The following RBFOX3 variants were observed in gnomAD, a reference collection of about 807,000 sequenced individuals.
RBFOX3 encodes RNA binding protein fox-1 homolog 3.
Under a neutral mutation model 48.7 loss-of-function variants are expected in RBFOX3, and 17 were observed. The observed-to-expected ratio is 0.35, with a 90% CI of 0.24 to 0.52. RBFOX3 has a LOEUF of 0.52. RBFOX3 is among the 20% of genes least tolerant of loss of function. The pLI is 0.94. For synonymous variants in RBFOX3, 212 were observed against 209.5 expected, an observed-to-expected ratio of 1.01 and a Z score of -0.10; for missense variants, 382 against 497.5, an observed-to-expected ratio of 0.77 and a Z score of 2.21.
At chr17:79,238,233 A>T (rs1340213810) in intron 3 of RBFOX3, among the ~76,000 whole-genome samples, 1 of 152,218 alleles carries the variant, frequency 6.6e-6, no homozygotes, top group African/African-American at 2.4e-5. Context: ...CACCACACCC[A>T]GCTGGATTTT....
chr17:79,657,781 T>A, the RBFOX3 span, among the ~76,000 whole-genome samples: 1 of 152,148 alleles, frequency 6.6e-6, no homozygotes. Flanking sequence ...CAGGAAAGAA[T>A]GCAGAGGTTA....
chr17:79,191,409 C>T (rs540249862), intron 4 of RBFOX3, among the ~76,000 whole-genome samples: 1 of 152,214 alleles, frequency 6.6e-6, no homozygotes, highest in African/African-American at 2.4e-5. Context: ...CGCAAGGCCT[C>T]GGGAAACAGA....
intron 2 of RBFOX3, among the ~76,000 whole-genome samples, chr17:79,403,427 A>G (rs182334193): frequency 1.1e-4 from 17 of 152,290 alleles, no homozygotes; most frequent in African/African-American, 4.1e-4. Context: ...TCTGTCAGGG[A>G]TATCTGTCAC....
Position 79,423,702 on chromosome 17 carries a change from C to T in RBFOX3, c.-175+58752G>A, listed in dbSNP as rs916237269. 6.5e-6 allele frequency: 1 copy of T among 153,526 alleles called. No homozygotes were observed. The allele number at this position is 153,526 out of a possible 1,614,324, so 9.5% of individuals were successfully genotyped here. A position where few individuals can be genotyped will look rare whatever the true frequency, so the allele number is the denominator to read the frequency against. Reference sequence around the variant, plus strand: ...GCCCACAGACAAGGTCAGCTCAATACATACTTGTTCAAGGAACGGACAAGG... The same window carrying T: ...GCCCACAGACAAGGTCAGCTCAATATATACTTGTTCAAGGAACGGACAAGG... On this transcript the variant is annotated intron_variant, in intron 2 of 14. Coordinates refer to ENST00000693108, the MANE Select transcript of RBFOX3 (RefSeq NM_001350451.2). This position sits in a 1 kb window ranked among gnomAD's most constrained non-coding sequence, Gnocchi z 4.9.
chr17:79,142,485 C>T (rs2042105062), intron 4 of RBFOX3, among the ~76,000 whole-genome samples: 1 of 152,178 alleles, frequency 6.6e-6, no homozygotes. Context: ...GAGCCCTCCC[C>T]AGCCTGCTGA....
At chr17:79,306,565 A>G (rs2076133127) in intron 3 of RBFOX3, among the ~76,000 whole-genome samples, 1 of 152,044 alleles carries the variant, frequency 6.6e-6, no homozygotes. Flanking sequence ...AGCCTGGGAG[A>G]GGATGAGGGT....
chr17:79,557,996 T>C (rs2063582161), intron 1 of RBFOX3, among the ~76,000 whole-genome samples: 1 of 152,026 alleles, frequency 6.6e-6, no homozygotes, highest in Non-Finnish European at 1.5e-5. Flanking sequence ...GAAGAAAAAT[T>C]ACAAACACTC....
chr17:79,547,020 C>T (rs117121087), intron 1 of RBFOX3, among the ~76,000 whole-genome samples: 2,562 of 152,158 alleles, frequency 0.017, 36 homozygotes, highest in Non-Finnish European at 0.027. Flanking sequence ...TGCTCAGGGA[C>T]GAAAAGGGAA....
In RBFOX3 at chr17:79,481,386, TG is replaced by T. The variant is rs1223363209; in HGVS notation, c.-175+1067del. 6.6e-6 allele frequency among the ~76,000 whole-genome samples: 1 copy of T among 152,128 alleles called. No individual in the cohort carries two copies. Among genetic ancestry groups the T allele is most frequent in the Non-Finnish European group, 1.5e-5 (1 of 68,012 alleles). ...ATGGGGGTTTAAGAAAGAATTCACC[TG>T]GTGTCTGTCCCTGGTTCCTGGGAGG... On this transcript the variant is annotated intron_variant, in intron 2 of 14. Coordinates refer to ENST00000693108, the MANE Select transcript of RBFOX3 (RefSeq NM_001350451.2). The surrounding 1 kb of genome is among the most constrained non-coding windows in gnomAD (Gnocchi z 5.4).
At chr17:79,226,339 G>T (rs115441037) in intron 4 of RBFOX3, among the ~76,000 whole-genome samples, 1 of 152,182 alleles carries the variant, frequency 6.6e-6, no homozygotes, top group African/African-American at 2.4e-5. Context: ...CCGTATTAGC[G>T]TCACCCCAAC....
intron 4 of RBFOX3, among the ~76,000 whole-genome samples, chr17:79,162,983 C>T (rs2145397622): frequency 6.6e-6 from 1 of 152,360 alleles, no homozygotes. Flanking sequence ...CTGTGACATG[C>T]AGCTCTCGGG....
intron 2 of RBFOX3, among the ~76,000 whole-genome samples, chr17:79,370,705 ACGGT>A (rs2058424124): frequency 6.6e-6 from 1 of 152,200 alleles, no homozygotes; most frequent in Non-Finnish European, 1.5e-5. Flanking sequence ...CCTGAAATGC[ACGGT>A]CACATACACT....
At chr17:79,430,691 T>G (rs1196617540) in intron 2 of RBFOX3, among the ~76,000 whole-genome samples, 4 of 152,078 alleles carry the variant, frequency 2.6e-5, no homozygotes, top group African/African-American at 9.7e-5. Context: ...ATTACAGGTA[T>G]GCAGCACCAC....
At chr17:79,474,356 A>C (rs952366084) in intron 2 of RBFOX3, among the ~76,000 whole-genome samples, 4 of 152,220 alleles carry the variant, frequency 2.6e-5, no homozygotes, top group Admixed American at 2.6e-4. Context: ...CAAGTTCTGC[A>C]GTTACTTCTG....
chr17:79,594,718 C>A lies in RBFOX3; in HGVS notation c.-320+16108G>T, dbSNP rs1232079471. 2.6e-5 allele frequency among the ~76,000 whole-genome samples: 4 copies of A among 152,334 alleles called. No individual in the cohort carries two copies. In the East Asian group the frequency reaches 7.7e-4, roughly 29 times the overall value. ...GTCTAACATAAGGCACCTTATAAAT[C>A]AGAGGCCATTTTTTAAAACTTGGAT... On this transcript the variant is annotated intron_variant, in intron 1 of 14. Transcript: ENST00000693108.
At chr17:79,147,777 G>A (rs2043347513) in intron 4 of RBFOX3, among the ~76,000 whole-genome samples, 1 of 152,260 alleles carries the variant, frequency 6.6e-6, no homozygotes, top group African/African-American at 2.4e-5. Context: ...TACCTGGCCA[G>A]GGCTGCCGGT....
intron 2 of RBFOX3, among the ~76,000 whole-genome samples, chr17:79,352,799 C>T (rs2084213602): frequency 6.6e-6 from 1 of 152,240 alleles, no homozygotes; most frequent in African/African-American, 2.4e-5. Context: ...ACCTAGGGGA[C>T]CACCTGGTGG....
At chr17:79,177,212 C>T (rs577601688) in intron 4 of RBFOX3, among the ~76,000 whole-genome samples, 112 of 152,216 alleles carry the variant, frequency 7.4e-4, no homozygotes, top group African/African-American at 2.7e-3. Flanking sequence ...CCTCCTCTCC[C>T]CCCCCGCCCT....
At chr17:79,541,782 G>A (rs1309655006) in intron 1 of RBFOX3, among the ~76,000 whole-genome samples, 1 of 152,158 alleles carries the variant, frequency 6.6e-6, no homozygotes, top group Admixed American at 6.5e-5. Context: ...TTTCCGTGCT[G>A]ATCAGTAACC....
Sources: gnomAD v4.1 joint callset for allele counts (sites outside exome capture counted in the v4.1 genomes callset) on GRCh38, gnomAD v4.1.1 for gene constraint, Gnocchi (gnomAD v3.1) non-coding constraint, MANE v1.5 for transcripts, NCBI Gene and HGNC (gene_info 2026-07-23, HGNC 2026-07-21) for gene names.